The following TCAIM variants were observed in gnomAD, a reference collection of about 807,000 sequenced individuals.
The protein encoded by TCAIM is T-cell activation inhibitor, mitochondrial.
In TCAIM, 36 loss-of-function variants were observed where a neutral mutation model predicts 58.6. The observed-to-expected ratio is 0.61, with a 90% confidence interval of 0.47 to 0.81. The LOEUF is 0.81. Ranked by LOEUF, TCAIM falls within the 30% of genes least tolerant of loss-of-function variation. The pLI is 0.00. For missense variants in TCAIM, 466 were observed against 579.6 expected, an observed-to-expected ratio of 0.80 and a Z score of 2.01; for synonymous variants, 172 against 193.6, an observed-to-expected ratio of 0.89 and a Z score of 0.93.
At chr3:44,379,037 A>G (rs1483477386) in intron 5 of TCAIM, among the ~76,000 whole-genome samples, 1 of 141,980 alleles carries the variant, frequency 7.0e-6, no homozygotes, top group Non-Finnish European at 1.5e-5. Context: ...CCATGTGCCT[A>G]TAGTCCCAGC....
chr3:44,368,676 G>C (rs1006129117), intron 5 of TCAIM, among the ~76,000 whole-genome samples: 11 of 152,284 alleles, frequency 7.2e-5, no homozygotes, highest in Non-Finnish European at 1.0e-4. Flanking sequence ...ATGTGGGTTT[G>C]GGAATAACAA....
At position 44,348,615 on chromosome 3, in the gene TCAIM, T is replaced by C. The variant is rs371398304; in HGVS notation, c.-44-6124T>C. On this transcript the variant is annotated intron_variant, in intron 1 of 10. Coordinates refer to ENST00000342649, the MANE Select transcript of TCAIM (RefSeq NM_173826.4). ...GGCAAGTAATTGCAACTCTTCTCTATTATTGTACACCTTGAAGGCAAGGTT... is the reference window on the plus strand; with the variant it reads ...GGCAAGTAATTGCAACTCTTCTCTACTATTGTACACCTTGAAGGCAAGGTT... 8.5e-5 allele frequency among the ~76,000 whole-genome samples: 13 copies of C among 152,328 alleles called. No individual in the cohort carries two copies. The East Asian group carries it at 1.7e-3, about 20-fold the overall frequency.
At chr3:44,388,521 T>C (rs1050430556) in intron 5 of TCAIM, among the ~76,000 whole-genome samples, 3 of 152,218 alleles carry the variant, frequency 2.0e-5, no homozygotes, top group African/African-American at 7.2e-5. Context: ...GCATGTTATG[T>C]TTATGTAACC....
chr3:44,363,799 A>G (rs1701326627), intron 4 of TCAIM, among the ~76,000 whole-genome samples: 1 of 151,924 alleles, frequency 6.6e-6, no homozygotes, highest in Non-Finnish European at 1.5e-5. Flanking sequence ...AAAATAGCTT[A>G]TAGCTGGGCA....
intron 5 of TCAIM, among the ~76,000 whole-genome samples, chr3:44,386,114 G>A (rs1701735682): frequency 7.0e-6 from 1 of 142,786 alleles, no homozygotes; most frequent in Admixed American, 7.4e-5. Flanking sequence ...TCAAGAGGCT[G>A]AGACAGAAGA....
intron 1 of TCAIM, among the ~76,000 whole-genome samples, chr3:44,347,427 G>A (rs1700993285): frequency 6.6e-6 from 1 of 152,216 alleles, no homozygotes; most frequent in Non-Finnish European, 1.5e-5. Context: ...AAGTTGCTGA[G>A]ACTGATGGAT....
intron 5 of TCAIM, among the ~76,000 whole-genome samples, chr3:44,374,452 G>A (rs376757918): frequency 6.6e-6 from 1 of 152,126 alleles, no homozygotes; most frequent in African/African-American, 2.4e-5. Context: ...GTTGCCATCA[G>A]AGAAGTATAA....
At chr3:44,358,170 A>C in intron 3 of TCAIM, 1 of 1,541,382 alleles carries the variant, frequency 6.5e-7, no homozygotes, top group South Asian at 1.2e-5. Context: ...AGAAAACTTG[A>C]GACCTTTATT....
intron 6 of TCAIM, among the ~76,000 whole-genome samples, chr3:44,394,581 T>G (rs1701891360): frequency 6.6e-6 from 1 of 151,848 alleles, no homozygotes; most frequent in African/African-American, 2.4e-5. Context: ...CAGCTTTAAT[T>G]TATATTATGG....
At chr3:44,366,601 C>T (rs1480808611) in intron 4 of TCAIM, among the ~76,000 whole-genome samples, 4 of 150,238 alleles carry the variant, frequency 2.7e-5, no homozygotes, top group South Asian at 2.1e-4. Context: ...GCTGGGACTA[C>T]AGGCGCCCGC....
chr3:44,340,916 G>C (rs1700842737), intron 1 of TCAIM: 1 of 151,998 alleles, frequency 6.6e-6, no homozygotes, highest in South Asian at 2.1e-4. Context: ...TCACTTAGTC[G>C]TCAGAGCCCA....
chr3:44,384,727 T>C (rs1701707967), intron 5 of TCAIM, among the ~76,000 whole-genome samples: 1 of 152,226 alleles, frequency 6.6e-6, no homozygotes, highest in African/African-American at 2.4e-5. Flanking sequence ...CTCTAGACTA[T>C]TGGAATAACT....
At chr3:44,384,817 A>G (rs1020405531) in intron 5 of TCAIM, among the ~76,000 whole-genome samples, 7 of 152,178 alleles carry the variant, frequency 4.6e-5, no homozygotes, top group African/African-American at 1.7e-4. Context: ...AACTTTACCA[A>G]AGGCTTTGGT....
At chr3:44,400,210 GT>G (rs1358919636) in intron 8 of TCAIM, 144 bp from the exon 9 acceptor site, 3 of 643,542 alleles carry the variant, frequency 4.7e-6, no homozygotes, top group South Asian at 2.2e-5. Flanking sequence ...ATTACATTAA[GT>G]TTTTTTATCT....
At chr3:44,406,492 A>AGG (rs10530473) in intron 10 of TCAIM, among the ~76,000 whole-genome samples, 131,766 of 152,154 alleles carry the variant, frequency 0.87, 57,461 homozygotes, top group East Asian at 1. Flanking sequence ...TATTCTAAGT[A>AGG]AGAATAATCT....
Position 44,392,858 on chromosome 3 carries a change from C to A in TCAIM, c.576C>A (p.Ser192=). The A allele has an allele frequency of 6.2e-7, 1 of 1,611,876 alleles. No homozygotes were observed. Among genetic ancestry groups the A allele is most frequent in the South Asian group, 1.1e-5 (1 of 90,846 alleles). Residue 192 remains serine (S), a synonymous_variant, in exon 6 of 11, where the codon TCC becomes TCA. Transcript: ENST00000342649. ...GTATGTATCTCTCTCTTTCTAGATCCTGGTTAGATAACAATGGGAAAAGTG... is the reference window on the plus strand; with the variant it reads ...GTATGTATCTCTCTCTTTCTAGATCATGGTTAGATAACAATGGGAAAAGTG... ...QVSRVETTLT[S]WLDNNGKSAV... is the part of the protein sequence containing the mutation.
intron 1 of TCAIM, among the ~76,000 whole-genome samples, chr3:44,345,065 G>A (rs945559098): frequency 6.6e-6 from 1 of 152,044 alleles, no homozygotes; most frequent in African/African-American, 2.4e-5. Flanking sequence ...ATAAAATAGT[G>A]GTAAAGTGTT....
intron 5 of TCAIM, among the ~76,000 whole-genome samples, chr3:44,379,696 A>C (rs2125644787): frequency 6.6e-6 from 1 of 152,296 alleles, no homozygotes; most frequent in South Asian, 2.1e-4. Context: ...CACAACACAG[A>C]GAACAACAGA....
rs1282735364 is a variant in TCAIM at position 44,408,905 on chromosome 3, C to T, written c.*1223C>T. On this transcript the variant is annotated 3_prime_UTR_variant, in exon 11 of 11. Transcript: ENST00000342649. ...TCTGGATTCAGTGCTTTTAGCTCTT[C>T]GAGTTTACCCTAAGATACCTTCGGG... 1.3e-5 allele frequency: 2 copies of T among 152,156 alleles called. No homozygotes were observed. The highest frequency in any genetic ancestry group is 6.6e-5 in the Admixed American group (1 of 15,264). The allele number at this position is 152,156 out of a possible 1,614,324, so 9.4% of individuals were successfully genotyped here.
Sources: allele counts gnomAD v4.1 joint callset (sites outside exome capture counted in the v4.1 genomes callset), GRCh38; gene constraint gnomAD v4.1.1; transcripts MANE v1.5; gene names NCBI Gene and HGNC (gene_info 2026-07-23, HGNC 2026-07-21).